The following VSNL1 variants were observed in gnomAD, a reference collection of about 807,000 sequenced individuals.
VSNL1 encodes visinin-like protein 1.
VSNL1 carries 6 observed loss-of-function variants against 20.4 expected under a neutral mutation model. That is an observed-to-expected ratio of 0.29 (90% confidence interval 0.16 to 0.58). VSNL1 has a LOEUF of 0.58. VSNL1 is among the 20% of genes least tolerant of loss of function. The probability of loss-of-function intolerance (pLI) is 0.90; values close to 1 mark genes in which losing one functional copy is unlikely to be tolerated. For synonymous variants in VSNL1, 93 were observed against 86.4 expected, an observed-to-expected ratio of 1.08 and a Z score of -0.42; for missense variants, 100 against 234.5, an observed-to-expected ratio of 0.43 and a Z score of 3.75.
chr2:17,612,087 CACATGCACGTGCCTA>C (rs1323266055), intron 2 of VSNL1, among the ~76,000 whole-genome samples: 1 of 152,220 alleles, frequency 6.6e-6, no homozygotes, highest in East Asian at 1.9e-4. Context: ...CTCACTCACA[CACATGCACGTGCCTA>C]TGCATACCGT....
intron 1 of VSNL1, among the ~76,000 whole-genome samples, chr2:17,546,901 CT>C (rs1663417260): frequency 6.6e-6 from 1 of 151,562 alleles, no homozygotes; most frequent in Non-Finnish European, 1.5e-5. Flanking sequence ...ATGTTTTTTG[CT>C]TTCTTGTTCT....
chr2:17,609,919 C>A (rs542472683), intron 2 of VSNL1, among the ~76,000 whole-genome samples: 28 of 152,256 alleles, frequency 1.8e-4, no homozygotes, highest in Non-Finnish European at 2.9e-4. Context: ...CACTCCCCAG[C>A]CTTTATCCCC....
intron 1 of VSNL1, among the ~76,000 whole-genome samples, chr2:17,575,544 A>G (rs1423271988): frequency 6.7e-6 from 1 of 149,220 alleles, no homozygotes; most frequent in Non-Finnish European, 1.5e-5. Context: ...TATTTTTTTT[A>G]TTTTTTTTTG....
chr2:17,604,841 A>G lies in VSNL1; in HGVS notation c.162+12605A>G, dbSNP rs963164874. On this transcript the variant is annotated intron_variant, in intron 2 of 3. Transcript: ENST00000295156. ...TGGGTGGTTTCTTTTTTTCTCCTGT[A>G]TATTTTTTATTACTAAATGGCACAA... 1.3e-5 allele frequency among the ~76,000 whole-genome samples: 2 copies of G among 152,100 alleles called. 1 individual carries two copies. Among genetic ancestry groups the G allele is most frequent in the South Asian group, 4.1e-4 (2 of 4,832 alleles).
At chr2:17,559,502 C>G (rs1413436266) in intron 1 of VSNL1, among the ~76,000 whole-genome samples, 1 of 151,750 alleles carries the variant, frequency 6.6e-6, no homozygotes. Context: ...GGTCATACAA[C>G]CTTGGTATTC....
intron 1 of VSNL1, among the ~76,000 whole-genome samples, chr2:17,568,564 AAC>A (rs1466601114): frequency 1.3e-5 from 2 of 152,184 alleles, no homozygotes; most frequent in African/African-American, 4.8e-5. Flanking sequence ...TTAACTCCAA[AAC>A]ACAACCCCCA....
At chr2:17,592,005 G>C in intron 1 of VSNL1, 65 bp from the exon 2 acceptor site, 1 of 1,593,302 alleles carries the variant, frequency 6.3e-7, no homozygotes. Flanking sequence ...CTCTAGCTTG[G>C]CTCCTAACCA....
chr2:17,631,194 AGAGAG>A (rs1227843505), intron 2 of VSNL1, among the ~76,000 whole-genome samples: 2 of 152,228 alleles, frequency 1.3e-5, no homozygotes, highest in African/African-American at 4.8e-5. Context: ...TAAATGAGAG[AGAGAG>A]GAAAGTATTA....
intron 1 of VSNL1, among the ~76,000 whole-genome samples, chr2:17,572,266 C>A (rs1165376324): frequency 4.6e-5 from 7 of 152,196 alleles, no homozygotes; most frequent in African/African-American, 1.7e-4. Flanking sequence ...AAGTGGATTT[C>A]TTCTTCTTCC....
Position 17,592,001 on chromosome 2 carries a change from C to T in VSNL1, c.-5-69C>T, listed in dbSNP as rs1222702672. 3 of 1,585,258 alleles carry T rather than the reference C, an allele frequency of 1.9e-6. No individual in the cohort carries two copies. The East Asian group carries it at 6.7e-5, about 36-fold the overall frequency. On this transcript the variant is annotated intron_variant, in intron 1 of 3. Coordinates refer to ENST00000295156, the MANE Select transcript of VSNL1 (RefSeq NM_003385.5). ...ACCATGGGACTGCTCAGAACTCTAGCTTGGCTCCTAACCAAGTTTGAAATG... is the reference window on the plus strand; with the variant it reads ...ACCATGGGACTGCTCAGAACTCTAGTTTGGCTCCTAACCAAGTTTGAAATG...
intron 1 of VSNL1, among the ~76,000 whole-genome samples, chr2:17,555,492 TATC>T (rs1169511922): frequency 1.3e-5 from 2 of 152,114 alleles, no homozygotes; most frequent in Non-Finnish European, 2.9e-5. Context: ...CCTTCATAAA[TATC>T]ATCTTCATCA....
At chr2:17,579,472 G>A (rs1664299235) in intron 1 of VSNL1, among the ~76,000 whole-genome samples, 2 of 152,182 alleles carry the variant, frequency 1.3e-5, no homozygotes, top group Admixed American at 6.5e-5. Context: ...GACATTGCCT[G>A]GAAAGTGCAC....
intron 1 of VSNL1, among the ~76,000 whole-genome samples, chr2:17,588,865 T>A (rs1664534883): frequency 6.6e-6 from 1 of 152,142 alleles, no homozygotes; most frequent in Admixed American, 6.5e-5. Flanking sequence ...AGAAAAAAAA[T>A]ACCAAATATC....
intron 1 of VSNL1, among the ~76,000 whole-genome samples, chr2:17,587,843 G>T (rs1049516917): frequency 6.6e-6 from 1 of 152,152 alleles, no homozygotes; most frequent in African/African-American, 2.4e-5. Context: ...TAAAAATACT[G>T]TTTTTAATGC....
In VSNL1 at chr2:17,597,095, C is replaced by A. The variant is rs552648362; in HGVS notation, c.162+4859C>A. 2.0e-5 allele frequency among the ~76,000 whole-genome samples: 3 copies of A among 152,282 alleles called. No individual in the cohort carries two copies. The East Asian group carries it at 5.8e-4, about 29-fold the overall frequency. On this transcript the variant is annotated intron_variant, in intron 2 of 3. Coordinates refer to ENST00000295156, the MANE Select transcript of VSNL1 (RefSeq NM_003385.5). ...TTTCAACAGGAAAATGTGCCCTAGT[C>A]AAATAGTGATGTCTACCGTGTATTC...
At position 17,649,507 on chromosome 2, in the gene VSNL1, G is replaced by A; in HGVS notation, c.260G>A (p.Cys87Tyr). 1 of 1,614,184 alleles carries A rather than the reference G, an allele frequency of 6.2e-7. No individual in the cohort carries two copies. The highest frequency in any genetic ancestry group is 8.5e-7 in the Non-Finnish European group (1 of 1,180,036). Residue 87 changes from cysteine (C) to tyrosine (Y), a missense_variant, in exon 3 of 4, where the codon TGC becomes TAC. By Grantham distance (194) the Cys-to-Tyr change is radical. Transcript: ENST00000295156. This position sits in a 1 kb window ranked among gnomAD's most constrained non-coding sequence, Gnocchi z 6.4. Reference sequence around the variant, plus strand: ...ACCATTGACTTCCGAGAGTTCATCTGCGCTCTGTCCATCACCTCCAGGGGC... The same window carrying A: ...ACCATTGACTTCCGAGAGTTCATCTACGCTCTGTCCATCACCTCCAGGGGC... ...DGTIDFREFI[C>Y]ALSITSRGSF...
At chr2:17,617,737 G>A (rs34214893) in intron 2 of VSNL1, among the ~76,000 whole-genome samples, 37,496 of 152,054 alleles carry the variant, frequency 0.25, 6,036 homozygotes, top group Middle Eastern at 0.49. Flanking sequence ...TGGAAGTAAG[G>A]GATGCTGTCT....
intron 2 of VSNL1, among the ~76,000 whole-genome samples, chr2:17,636,132 T>C (rs1465512912): frequency 6.6e-6 from 1 of 152,054 alleles, no homozygotes; most frequent in Non-Finnish European, 1.5e-5. Flanking sequence ...CTCCCTGGCA[T>C]ATGGTACCTG....
At chr2:17,636,618 A>G (rs1357718231) in intron 2 of VSNL1, among the ~76,000 whole-genome samples, 1 of 152,270 alleles carries the variant, frequency 6.6e-6, no homozygotes, top group Non-Finnish European at 1.5e-5. Context: ...CAAAAAGTCA[A>G]ATATCTCACT....
Sources: gnomAD v4.1 joint callset for allele counts (sites outside exome capture counted in the v4.1 genomes callset) on GRCh38, gnomAD v4.1.1 for gene constraint, Gnocchi (gnomAD v3.1) non-coding constraint, MANE v1.5 for transcripts, NCBI Gene and HGNC (gene_info 2026-07-23, HGNC 2026-07-21) for gene names.